Variants in LIMCH1 observed in about 807,000 individuals in gnomAD.
The protein encoded by LIMCH1 is LIM and calponin homology domains-containing protein 1.
In LIMCH1, 113 loss-of-function variants were observed where a neutral mutation model predicts 176.5. That is an observed-to-expected ratio of 0.64 (90% CI 0.55 to 0.75). The LOEUF (loss-of-function observed/expected upper bound fraction) is 0.75. Ranked by LOEUF, LIMCH1 falls within the 30% of genes least tolerant of loss-of-function variation. The pLI, the probability that LIMCH1 is intolerant of heterozygous loss-of-function variation, is 0.00. For synonymous variants in LIMCH1, 619 were observed against 645.9 expected (o/e 0.96, Z 0.63); for missense variants, 1,674 against 1,814.9 (o/e 0.92, Z 1.41).
In LIMCH1 at chr4:41,613,057, C is replaced by G. The variant is rs979875872; in HGVS notation, c.10-409C>G. 7.7e-6 allele frequency: 12 copies of G among 1,552,026 alleles called. No homozygotes were observed. The Admixed American group carries it at 2.4e-4, about 30-fold the overall frequency. The stretch of plus-strand genomic sequence containing the variant: ...CACAGCTAAACCAGGGGCTCATTCC[C>G]AGGACAGACATGCAGTTATGGATTC... On this transcript the variant is annotated intron_variant, in intron 4 of 31. Transcript: ENST00000503057.
intron 5 of LIMCH1, among the ~76,000 whole-genome samples, chr4:41,615,949 G>A (rs763848792): frequency 6.6e-6 from 1 of 152,166 alleles, no homozygotes; most frequent in Non-Finnish European, 1.5e-5. Context: ...TACCTGGTAG[G>A]ATGCTGTAGA....
chr4:41,511,219 G>T (rs529754221), intron 2 of LIMCH1, among the ~76,000 whole-genome samples: 1 of 152,180 alleles, frequency 6.6e-6, no homozygotes, highest in Non-Finnish European at 1.5e-5. Flanking sequence ...ATCTATTATT[G>T]TTCCTACAAT....
intron 1 of LIMCH1, among the ~76,000 whole-genome samples, chr4:41,578,540 C>T (rs1056833309): frequency 5.9e-5 from 9 of 152,134 alleles, no homozygotes; most frequent in Non-Finnish European, 1.3e-4. Flanking sequence ...TTTATATCTT[C>T]CCAACACTGG....
At chr4:41,548,489 A>G (rs1363325869) in intron 1 of LIMCH1, among the ~76,000 whole-genome samples, 1 of 152,126 alleles carries the variant, frequency 6.6e-6, no homozygotes. Flanking sequence ...CTCTTATTCA[A>G]AAAGCTGGGC....
intron 2 of LIMCH1, among the ~76,000 whole-genome samples, chr4:41,499,608 A>G (rs922894509): frequency 6.6e-5 from 10 of 152,216 alleles, no homozygotes; most frequent in Non-Finnish European, 1.5e-4. Context: ...TCATGAGGTC[A>G]AGAGATCGAG....
At chr4:41,545,898 T>C (rs2079311298) in intron 1 of LIMCH1, among the ~76,000 whole-genome samples, 1 of 152,156 alleles carries the variant, frequency 6.6e-6, no homozygotes, top group South Asian at 2.1e-4. Context: ...GTTTACATGG[T>C]CCAACTGTTA....
intron 3 of LIMCH1, among the ~76,000 whole-genome samples, chr4:41,527,685 C>A (rs557457095): frequency 6.6e-6 from 1 of 152,044 alleles, no homozygotes; most frequent in African/African-American, 2.4e-5. Flanking sequence ...TAGCCAGGCG[C>A]GGTGGTGGGC....
Position 41,697,168 on chromosome 4 carries a change from C to T in LIMCH1, c.4387C>T (p.Gln1463Ter). ...DCYMRSRSAG[Q>*]PTTL The stretch of plus-strand genomic sequence containing the variant: ...GTTTGTTTTAATCACAGGTGCCGGG[C>T]AGCCTACAACATTGTGACACGGCTT... The change falls in exon 32 of 32, where the codon CAG becomes TAG. Residue 1463 changes from glutamine to a stop codon, truncating the protein, a stop_gained. Coordinates refer to ENST00000503057, the MANE Select transcript of LIMCH1 (RefSeq NM_001330672.2). LOFTEE classifies it high-confidence loss of function. 1.9e-6 allele frequency: 3 copies of T among 1,613,452 alleles called. No individual in the cohort carries two copies. The highest frequency in any genetic ancestry group is 2.5e-6 in the Non-Finnish European group (3 of 1,179,518).
At chr4:41,399,212 A>G (rs925507550) in intron 1 of LIMCH1, among the ~76,000 whole-genome samples, 1 of 152,140 alleles carries the variant, frequency 6.6e-6, no homozygotes, top group Admixed American at 6.5e-5. Flanking sequence ...TTATTCTGAA[A>G]AGCATGCTGT....
intron 1 of LIMCH1, among the ~76,000 whole-genome samples, chr4:41,595,848 G>A (rs553076046): frequency 6.6e-6 from 1 of 151,858 alleles, no homozygotes; most frequent in African/African-American, 2.4e-5. Context: ...ACTTGAGCTC[G>A]AGACCAGCCT....
chr4:41,388,200 A>G (rs1033041482), intron 1 of LIMCH1, among the ~76,000 whole-genome samples: 4 of 152,364 alleles, frequency 2.6e-5, no homozygotes, highest in African/African-American at 7.2e-5. Flanking sequence ...TAACTTGCTC[A>G]TGAATGTTCC....
chr4:41,551,114 C>G (rs1157337421), intron 1 of LIMCH1: 1 of 152,118 alleles, frequency 6.6e-6, no homozygotes, highest in Non-Finnish European at 1.5e-5. Context: ...ATCTTTCTTC[C>G]TCCATGATAG....
intron 1 of LIMCH1, among the ~76,000 whole-genome samples, chr4:41,366,703 C>T (rs924607760): frequency 1.3e-5 from 2 of 152,190 alleles, no homozygotes; most frequent in African/African-American, 4.8e-5. Flanking sequence ...AGACTTCTGT[C>T]TGGACATAAG....
chr4:41,445,374 T>A (rs996418400), intron 1 of LIMCH1, among the ~76,000 whole-genome samples: 4 of 152,184 alleles, frequency 2.6e-5, no homozygotes, highest in Admixed American at 2.6e-4. Context: ...GTTGATTGAT[T>A]GTCCATGAAA....
chr4:41,412,878 G>A (rs2059611714), intron 1 of LIMCH1, among the ~76,000 whole-genome samples: 1 of 152,120 alleles, frequency 6.6e-6, no homozygotes. Flanking sequence ...TGATATCACT[G>A]ACTTTGCACT....
chr4:41,564,564 T>C (rs1334866385), intron 1 of LIMCH1, among the ~76,000 whole-genome samples: 1 of 152,186 alleles, frequency 6.6e-6, no homozygotes, highest in Non-Finnish European at 1.5e-5. Flanking sequence ...ATATGATCCC[T>C]GTTTTGTCCT....
intron 17 of LIMCH1, 104 bp downstream of exon 17, chr4:41,646,997 G>A: frequency 8.9e-7 from 1 of 1,122,526 alleles, no homozygotes; most frequent in Non-Finnish European, 1.3e-6. Context: ...CCATACAAAA[G>A]AAAAATGTGT....
intron 1 of LIMCH1, among the ~76,000 whole-genome samples, chr4:41,479,917 G>A (rs950552843): frequency 2.0e-5 from 3 of 152,046 alleles, no homozygotes; most frequent in Non-Finnish European, 4.4e-5. Flanking sequence ...CAAATCCATC[G>A]TTGAAGTGGC....
intron 1 of LIMCH1, among the ~76,000 whole-genome samples, chr4:41,400,623 A>G (rs1479506602): frequency 6.6e-6 from 1 of 152,192 alleles, no homozygotes; most frequent in Non-Finnish European, 1.5e-5. Flanking sequence ...TAAAATGATT[A>G]TTATGCGGTA....
Sources: gnomAD v4.1 joint callset for allele counts (sites outside exome capture counted in the v4.1 genomes callset) on GRCh38, gnomAD v4.1.1 for gene constraint, MANE v1.5 for transcripts, NCBI Gene and HGNC (gene_info 2026-07-23, HGNC 2026-07-21) for gene names.